Variants in RPGRIP1L observed in about 807,000 individuals in gnomAD.
RPGRIP1L encodes the protein RPGRIP1 like, also known as protein fantom.
A neutral mutation model predicts 160.4 loss-of-function variants in RPGRIP1L; 131 were observed. That is an observed-to-expected ratio of 0.82 (90% CI 0.71 to 0.94). RPGRIP1L has a LOEUF of 0.94. RPGRIP1L is among the 40% of genes least tolerant of loss of function. The pLI is 0.00. For missense variants in RPGRIP1L, 1,522 were observed against 1,535.8 expected, an observed-to-expected ratio of 0.99 and a Z score of 0.15; for synonymous variants, 510 against 515.8, an observed-to-expected ratio of 0.99 and a Z score of 0.15.
At position 53,686,531 on chromosome 16, in the gene RPGRIP1L, C is replaced by T. The variant is rs1970027900; in HGVS notation, c.678G>A (p.Glu226=). The T allele has an allele frequency of 6.2e-7, 1 of 1,613,634 alleles. No homozygotes were observed. Among genetic ancestry groups the T allele is most frequent in the Non-Finnish European group, 8.5e-7 (1 of 1,179,730 alleles). The change falls in exon 6 of 27, where the codon GAG becomes GAA. Residue 226 remains glutamate (E), a synonymous_variant. Transcript: ENST00000647211. ...QSQRGQIEEL[E]HLAEILKTQL... is the part of the protein sequence containing the mutation. ...GAGTTTTCAGGATCTCAGCCAAGTG[C>T]TCTAACTCCTCTATCTGGCCTCTTT... is the stretch of plus-strand genomic sequence containing the variant.
At chr16:53,683,616 T>G (rs1969764950) in intron 6 of RPGRIP1L, among the ~76,000 whole-genome samples, 1 of 151,350 alleles carries the variant, frequency 6.6e-6, no homozygotes, top group African/African-American at 2.4e-5. Flanking sequence ...GGTAAGATGT[T>G]AATAGTTGTT....
chr16:53,627,746 C>T (rs1230492269), intron 22 of RPGRIP1L, among the ~76,000 whole-genome samples: 1 of 151,996 alleles, frequency 6.6e-6, no homozygotes, highest in Admixed American at 6.6e-5. Context: ...TTTTTATACT[C>T]AATACTATAT....
intron 19 of RPGRIP1L, 79 bp from the exon 20 acceptor site, chr16:53,638,490 T>C (rs1304769857): frequency 3.9e-6 from 3 of 770,506 alleles, no homozygotes; most frequent in African/African-American, 3.5e-5. Flanking sequence ...CATATACATA[T>C]TGAACTACTA....
At position 53,637,794 on chromosome 16, in the gene RPGRIP1L, T is replaced by A. The variant is rs1456208953; in HGVS notation, c.3121A>T (p.Lys1041Ter). Residue 1041 changes from lysine to a stop codon, truncating the protein, a stop_gained, in exon 21 of 27, where the codon AAA (lysine) becomes TAA (stop). Coordinates refer to ENST00000647211, the MANE Select transcript of RPGRIP1L (RefSeq NM_015272.5). LOFTEE classifies it high-confidence loss of function. ...KENTEKMQQG[K>*]DDVSLLSEGQ... ...TCAGATAGTAAAGACACATCATCTT[T>A]TCCTTGCTGCATTTTCTCAGTATTC... The A allele has an allele frequency of 5.6e-6, 9 of 1,613,296 alleles. No individual in the cohort carries two copies. Among genetic ancestry groups the A allele is most frequent in the Non-Finnish European group, 7.6e-6 (9 of 1,179,792 alleles).
At position 53,599,346 on chromosome 16, in the gene RPGRIP1L, C is replaced by CT. The variant is rs769425443; in HGVS notation, c.*2729dup. ...TGATAATTTAGAAAACATGGTGAAA[C>CT]TGAGAGTGAAGAGAAATGTTCTTTA... On this transcript the variant is annotated 3_prime_UTR_variant, in exon 27 of 27. Coordinates refer to ENST00000647211, the MANE Select transcript of RPGRIP1L (RefSeq NM_015272.5). 3 of 152,128 alleles carry CT rather than the reference C, an allele frequency of 2.0e-5. No homozygotes were observed. Among genetic ancestry groups the CT allele is most frequent in the Non-Finnish European group, 2.9e-5 (2 of 68,018 alleles). 9.4% of individuals were successfully genotyped at this position (152,128 alleles called of 1,614,324 possible).
At chr16:53,674,944 A>C (rs1017806436) in intron 7 of RPGRIP1L, 73 bp downstream of exon 7, 15 of 1,032,294 alleles carry the variant, frequency 1.5e-5, no homozygotes, top group Admixed American at 1.9e-5. Flanking sequence ...CCATGTTAAA[A>C]AAACAACTTG....
At chr16:53,703,353 C>A (rs547901904) in intron 1 of RPGRIP1L, 1 of 152,148 alleles carries the variant, frequency 6.6e-6, no homozygotes, top group African/African-American at 2.4e-5. Context: ...GCAAGCAAAA[C>A]CCCCGCCTTT....
chr16:53,695,457 A>G, intron 3 of RPGRIP1L: 1 of 702,914 alleles, frequency 1.4e-6, no homozygotes, highest in Non-Finnish European at 2.6e-6. Flanking sequence ...TTTTCTTTGA[A>G]CCTAGAACAT....
chr16:53,647,328 A>T (rs973354553), intron 16 of RPGRIP1L, among the ~76,000 whole-genome samples: 1 of 152,238 alleles, frequency 6.6e-6, no homozygotes, highest in Admixed American at 6.5e-5. Context: ...ATTTCACGGA[A>T]TACATAGTAG....
chr16:53,636,796 G>A (rs1965863130), intron 21 of RPGRIP1L, among the ~76,000 whole-genome samples: 1 of 151,874 alleles, frequency 6.6e-6, no homozygotes, highest in Non-Finnish European at 1.5e-5. Flanking sequence ...AGAACCATAG[G>A]GTAATAGATG....
At chr16:53,638,209 G>A in intron 20 of RPGRIP1L, 101 bp downstream of exon 20, 1 of 759,796 alleles carries the variant, frequency 1.3e-6, no homozygotes. Flanking sequence ...TATAAAAATA[G>A]GGGAAATGCT....
chr16:53,652,878 G>A lies in RPGRIP1L; in HGVS notation c.1809C>T (p.Gly603=), dbSNP rs375766769. Residue 603 remains glycine (G), a synonymous_variant, in exon 15 of 27, where the codon GGC becomes GGT. Transcript: ENST00000647211. The part of the protein sequence containing the change: ...EFDETIHLER[G]ENLFEIHINK... ...TGATATGGATTTCAAATAGATTTTC[G>A]CCTCGTTCTAAGTGGATGGTTTCAT... 24 of 1,612,408 alleles carry A rather than the reference G, an allele frequency of 1.5e-5. No homozygotes were observed. The highest frequency in any genetic ancestry group is 1.1e-4 in the East Asian group (5 of 44,876).
intron 24 of RPGRIP1L, among the ~76,000 whole-genome samples, chr16:53,613,266 C>A (rs1964166358): frequency 6.6e-6 from 1 of 151,972 alleles, no homozygotes; most frequent in Non-Finnish European, 1.5e-5. Flanking sequence ...GGTATATACC[C>A]AGAAGTGAAA....
chr16:53,616,066 T>C (rs1964361862), intron 24 of RPGRIP1L, among the ~76,000 whole-genome samples: 1 of 152,218 alleles, frequency 6.6e-6, no homozygotes, highest in African/African-American at 2.4e-5. Context: ...CAAGTCACAA[T>C]GCAGGGTAAA....
At chr16:53,646,590 T>G (rs560097031) in intron 16 of RPGRIP1L, among the ~76,000 whole-genome samples, 1 of 151,982 alleles carries the variant, frequency 6.6e-6, no homozygotes, top group East Asian at 1.9e-4. Flanking sequence ...TTAGGTAGAG[T>G]TGGAAACTAC....
rs1428961251 is a variant in RPGRIP1L at position 53,656,468 on chromosome 16, G to C, written c.1699+4C>G. 1.3e-6 allele frequency: 2 copies of C among 1,578,108 alleles called. No individual in the cohort carries two copies. The highest frequency in any genetic ancestry group is 2.2e-5 in the East Asian group (1 of 44,698). Reference sequence around the variant, plus strand: ...TGTGGACCAAAAAATCGTATATGTTGTACCTTCTAGTTTATGGATACGTGC... The same window carrying C: ...TGTGGACCAAAAAATCGTATATGTTCTACCTTCTAGTTTATGGATACGTGC... On this transcript the variant is annotated splice_donor_region_variant and intron_variant, in intron 14 of 26. Transcript: ENST00000647211.
chr16:53,607,090 G>T (rs1050548112), intron 25 of RPGRIP1L, among the ~76,000 whole-genome samples: 6 of 152,032 alleles, frequency 3.9e-5, no homozygotes, highest in Non-Finnish European at 8.8e-5. Flanking sequence ...ATTCATTCTG[G>T]GCTCAAATTC....
intron 22 of RPGRIP1L, among the ~76,000 whole-genome samples, chr16:53,625,559 G>T (rs1965082715): frequency 6.6e-6 from 1 of 150,656 alleles, no homozygotes; most frequent in Non-Finnish European, 1.5e-5. Context: ...CCCCGTCTTG[G>T]GGGTGGGGGG....
Position 53,658,789 on chromosome 16 carries a change from T to C in RPGRIP1L, c.1333A>G (p.Ile445Val), listed in dbSNP as rs140876280. 104 of 1,600,512 alleles carry C rather than the reference T, an allele frequency of 6.5e-5. No individual in the cohort carries two copies. Among genetic ancestry groups the C allele is most frequent in the Non-Finnish European group, 8.1e-5 (95 of 1,170,494 alleles). The change falls in exon 11 of 27, where the codon ATA becomes GTA. Residue 445 changes from isoleucine (I) to valine (V), a missense_variant. Physicochemically the swap from Ile to Val is conservative, Grantham distance 29. Coordinates refer to ENST00000647211, the MANE Select transcript of RPGRIP1L (RefSeq NM_015272.5). ...TAATTCACCTGGTTGTACAATTTTA[T>C]GCGTTTTTTAAGTTCATCAAGTTGT... ...KQQLDELKKR[I>V]KLYNQENDIN...
Sources: gnomAD v4.1 joint callset for allele counts (sites outside exome capture counted in the v4.1 genomes callset) on GRCh38, gnomAD v4.1.1 for gene constraint, MANE v1.5 for transcripts, NCBI Gene and HGNC (gene_info 2026-07-23, HGNC 2026-07-21) for gene names.